The following CACNA1H variants were observed in gnomAD, a reference collection of about 807,000 sequenced individuals.
CACNA1H encodes calcium voltage-gated channel subunit alpha1 H.
A neutral mutation model predicts 192.5 loss-of-function variants in CACNA1H; 149 were observed. The ratio of observed to expected loss-of-function variants is 0.77; its 90% CI spans 0.68 to 0.89. The LOEUF (loss-of-function observed/expected upper bound fraction) is 0.89, where lower values mean the gene tolerates loss of function less well. Among genes scored for constraint, CACNA1H ranks in the 40% least tolerant of loss-of-function variants. The probability of loss-of-function intolerance (pLI) is 0.00; values close to 1 mark genes in which losing one functional copy is unlikely to be tolerated. For synonymous variants in CACNA1H, 2,202 were observed against 1,475.2 expected, an observed-to-expected ratio of 1.49 and a Z score of -11.29; for missense variants, 4,257 against 3,423.5, an observed-to-expected ratio of 1.24 and a Z score of -6.08.
At position 1,211,556 on chromosome 16, in the gene CACNA1H, G is replaced by A. The variant is rs374297889; in HGVS notation, c.4426G>A (p.Ala1476Thr). Residue 1476 changes from alanine to threonine, a missense_variant, in exon 23 of 35, where the codon GCC becomes ACC. By Grantham distance (58) the Ala-to-Thr change is moderately conservative. Transcript: ENST00000348261. ...NISTKAQCRA[A>T]HYRWVRRKYN... ...CTCCACCAAGGCACAGTGCCGGGCC[G>A]CCCACTACCGCTGGGTGCGACGCAA... 68 of 1,611,752 alleles carry A rather than the reference G, an allele frequency of 4.2e-5. No individual in the cohort carries two copies. Among genetic ancestry groups the A allele is most frequent in the Non-Finnish European group, 5.2e-5 (61 of 1,179,500 alleles).
At chr16:1,210,342 C>CCCCCAAA in intron 18 of CACNA1H, 28 bp from the exon 19 acceptor site, 3 of 999,086 alleles carry the variant, frequency 3.0e-6, no homozygotes, top group African/African-American at 1.6e-5. Flanking sequence ...CGCCCCGCCC[C>CCCCCAAA]ACCTCTCACC....
intron 2 of CACNA1H, among the ~76,000 whole-genome samples, chr16:1,181,394 G>A (rs1034769756): frequency 1.3e-5 from 2 of 152,240 alleles, no homozygotes; most frequent in Non-Finnish European, 2.9e-5. Context: ...CTGAGCCAGC[G>A]CTTTGACGCC....
Position 1,216,913 on chromosome 16 carries a change from C to T in CACNA1H, c.5245-19C>T, listed in dbSNP as rs756250668. 5 of 1,591,874 alleles carry T rather than the reference C, an allele frequency of 3.1e-6. No homozygotes were observed. The Middle Eastern group carries it at 6.6e-4, about 211-fold the overall frequency. Reference sequence around the variant, plus strand: ...CCCTGCCCGCCCGTCTGACCCAGCTCTGCTTCTCTCTTGTGTAGGTGGGGA... The same window carrying T: ...CCCTGCCCGCCCGTCTGACCCAGCTTTGCTTCTCTCTTGTGTAGGTGGGGA... On this transcript the variant is annotated intron_variant, in intron 30 of 34. Coordinates refer to ENST00000348261, the MANE Select transcript of CACNA1H (RefSeq NM_021098.3).
At position 1,221,612 on chromosome 16, in the gene CACNA1H, A is replaced by T. The variant is rs922057355; in HGVS notation, c.*618A>T. ...CCCCGATGCGAATCAGGCCTCCCCTACATCTGGGGGCGTTGGCCGCGAGAT... is the reference window on the plus strand; with the variant it reads ...CCCCGATGCGAATCAGGCCTCCCCTTCATCTGGGGGCGTTGGCCGCGAGAT... On this transcript the variant is annotated 3_prime_UTR_variant, in exon 35 of 35. Coordinates refer to ENST00000348261, the MANE Select transcript of CACNA1H (RefSeq NM_021098.3). 37 of 705,204 alleles carry T rather than the reference A, an allele frequency of 5.2e-5. No homozygotes were observed. The highest frequency in any genetic ancestry group is 8.4e-5 in the Non-Finnish European group (37 of 439,424). 43.7% of individuals were successfully genotyped at this position (705,204 alleles called of 1,614,324 possible).
chr16:1,164,330 ACT>A (rs1963534284), intron 2 of CACNA1H, among the ~76,000 whole-genome samples: 1 of 152,120 alleles, frequency 6.6e-6, no homozygotes, highest in Non-Finnish European at 1.5e-5. Context: ...TCCTGTACGT[ACT>A]GTTTTTTCTT....
In CACNA1H at chr16:1,207,075, A is replaced by G. The variant is rs976083215; in HGVS notation, c.2864A>G (p.Lys955Arg). 4 of 1,602,312 alleles carry G rather than the reference A, an allele frequency of 2.5e-6. No individual in the cohort carries two copies. Among genetic ancestry groups the G allele is most frequent in the Non-Finnish European group, 3.4e-6 (4 of 1,174,456 alleles). Residue 955 changes from lysine (K) to arginine (R), a missense_variant, in exon 13 of 35, where the codon AAG becomes AGG. By Grantham distance (26) the Lys-to-Arg change is conservative. Transcript: ENST00000348261. ...TDTGDTVPDR[K>R]NFDSLLWAIV... ...ACCGGAGACACCGTGCCTGACAGGA[A>G]GAACTTCGACTCCCTGCTGTGGGCC...
intron 6 of CACNA1H, among the ~76,000 whole-genome samples, chr16:1,199,656 G>A (rs944789761): frequency 6.8e-6 from 1 of 146,374 alleles, no homozygotes; most frequent in Admixed American, 6.7e-5. Context: ...TCACCCCGGG[G>A]TCCCCTCAAC....
Position 1,200,582 on chromosome 16 carries a change from A to G in CACNA1H, c.1119+11A>G. 1 of 1,611,268 alleles carries G rather than the reference A, an allele frequency of 6.2e-7. No individual in the cohort carries two copies. The highest frequency in any genetic ancestry group is 8.5e-7 in the Non-Finnish European group (1 of 1,179,530). On this transcript the variant is annotated intron_variant, in intron 7 of 34. Transcript: ENST00000348261. ...ATTGCCATCTTCCAGGTGGGCGGCA[A>G]GATGGTGGGACGGGGACCCTGGGGC...
At chr16:1,165,118 G>A (rs1001222624) in intron 2 of CACNA1H, among the ~76,000 whole-genome samples, 1 of 152,168 alleles carries the variant, frequency 6.6e-6, no homozygotes, top group African/African-American at 2.4e-5. Flanking sequence ...AGAAGGTGCT[G>A]GCATGTCTGG....
chr16:1,157,580 C>G (rs981793449), intron 2 of CACNA1H: 1 of 152,298 alleles, frequency 6.6e-6, no homozygotes, highest in Non-Finnish European at 1.5e-5. Flanking sequence ...CTGCGCCCGC[C>G]TCCCCGGGCT....
Position 1,210,777 on chromosome 16 carries a change from C to T in CACNA1H, c.4039-10C>T, listed in dbSNP as rs764056510. 7 of 1,599,118 alleles carry T rather than the reference C, an allele frequency of 4.4e-6. No individual in the cohort carries two copies. The highest frequency in any genetic ancestry group is 1.3e-5 in the African/African-American group (1 of 74,926). ...CTGAGCCTGAGCTCAGTGCCATTGG[C>T]CCTCCGCAGGTGGTGGCCCTGGGGC... On this transcript the variant is annotated splice_polypyrimidine_tract_variant and intron_variant, in intron 20 of 34. Transcript: ENST00000348261.
rs1005207371 is a variant in CACNA1H, at chr16:1,221,112, C to T, written c.*118C>T. ...TTGGGTCCCGTCGTGAGCAGAAAGGCCCGGGGAGGATGACGGCCCAGGCCC... is the reference window on the plus strand; with the variant it reads ...TTGGGTCCCGTCGTGAGCAGAAAGGTCCGGGGAGGATGACGGCCCAGGCCC... On this transcript the variant is annotated 3_prime_UTR_variant, in exon 35 of 35. Coordinates refer to ENST00000348261, the MANE Select transcript of CACNA1H (RefSeq NM_021098.3). 7.7e-6 allele frequency: 6 copies of T among 777,040 alleles called. No homozygotes were observed. Among genetic ancestry groups the T allele is most frequent in the Non-Finnish European group, 1.2e-5 (6 of 501,358 alleles). The allele number at this position is 777,040 out of a possible 1,614,324, so 48.1% of individuals were successfully genotyped here. A position where few individuals can be genotyped will look rare whatever the true frequency, so the allele number is the denominator to read the frequency against.
rs1461999845 is a variant in CACNA1H at position 1,205,274 on chromosome 16, C to T, written c.2603+9C>T. 1.3e-6 allele frequency: 2 copies of T among 1,592,186 alleles called. No individual in the cohort carries two copies. The highest frequency in any genetic ancestry group is 1.7e-6 in the Non-Finnish European group (2 of 1,164,376). Reference sequence around the variant, plus strand: ...ATCATCGTGGTCATCAGGTGGGTCCCCACCCTCTCCCCAGGAAGAGGGGCC... The same window carrying T: ...ATCATCGTGGTCATCAGGTGGGTCCTCACCCTCTCCCCAGGAAGAGGGGCC... On this transcript the variant is annotated intron_variant, in intron 11 of 34. Coordinates refer to ENST00000348261, the MANE Select transcript of CACNA1H (RefSeq NM_021098.3).
rs1968996963 is a variant in CACNA1H, at chr16:1,208,292, C to T, written c.3363+71C>T. The T allele has an allele frequency of 5.4e-6, 6 of 1,106,330 alleles. No homozygotes were observed. The South Asian group carries it at 6.7e-5, about 12-fold the overall frequency. 68.5% of individuals were successfully genotyped at this position (1,106,330 alleles called of 1,614,324 possible). ...CCCTGCCTGGCTCCTTATGGCCTTC[C>T]CTGAAGATGAGTGAGGGCCGCACCC... is the stretch of plus-strand genomic sequence containing the variant. On this transcript the variant is annotated intron_variant, in intron 16 of 34. Transcript: ENST00000348261.
At chr16:1,189,490 C>G (rs1428872233) in intron 2 of CACNA1H, among the ~76,000 whole-genome samples, 1 of 140,190 alleles carries the variant, frequency 7.1e-6, no homozygotes, top group Non-Finnish European at 1.5e-5. Flanking sequence ...GATCGTGGCT[C>G]ACTGTAGCTT....
chr16:1,158,593 C>G (rs1241918428), intron 2 of CACNA1H, among the ~76,000 whole-genome samples: 2 of 152,194 alleles, frequency 1.3e-5, no homozygotes, highest in African/African-American at 4.8e-5. Flanking sequence ...CCCTCCGGGT[C>G]GGGGCTACCC....
chr16:1,170,290 C>T (rs1309930175), intron 2 of CACNA1H, among the ~76,000 whole-genome samples: 2 of 152,230 alleles, frequency 1.3e-5, no homozygotes, highest in African/African-American at 2.4e-5. Flanking sequence ...GCCTTCGGGC[C>T]TTTCCCTGGG....
intron 31 of CACNA1H, among the ~76,000 whole-genome samples, chr16:1,217,700 C>T (rs978248213): frequency 1.2e-4 from 19 of 152,378 alleles, no homozygotes; most frequent in African/African-American, 4.3e-4. Flanking sequence ...CTGATGAGCC[C>T]CAGCCCAGGT....
Position 1,220,402 on chromosome 16 carries a change from C to A in CACNA1H, c.6470C>A (p.Ser2157Ter). Reference protein sequence around the residue: ...PGRADEQWRPSAELGSGEPGE... With the variant: ...PGRADEQWRP ...CGGGCAGACGAGCAGTGGCGGCCCT[C>A]GGCGGAGCTGGGCAGCGGGGAGCCT... Residue 2157 changes from serine (S) to a stop codon, truncating the protein, a stop_gained, in exon 35 of 35, where the codon TCG (serine) becomes TAG (stop). Transcript: ENST00000348261. LOFTEE classifies it low-confidence loss of function (END_TRUNC). The A allele has an allele frequency of 6.6e-7, 1 of 1,524,312 alleles. No homozygotes were observed. The highest frequency in any genetic ancestry group is 8.7e-7 in the Non-Finnish European group (1 of 1,144,816). The allele number at this position is 1,524,312 out of a possible 1,614,324, so 94.4% of individuals were successfully genotyped here. A position where few individuals can be genotyped will look rare whatever the true frequency, so the allele number is the denominator to read the frequency against.
Sources: allele counts gnomAD v4.1 joint callset (sites outside exome capture counted in the v4.1 genomes callset), GRCh38; gene constraint gnomAD v4.1.1; transcripts MANE v1.5; gene names NCBI Gene and HGNC (gene_info 2026-07-23, HGNC 2026-07-21).